Variants in BCAR3 observed in about 807,000 individuals in gnomAD.
The protein encoded by BCAR3 is breast cancer anti-estrogen resistance protein 3.
A neutral mutation model predicts 80.1 loss-of-function variants in BCAR3; 37 were observed. The observed-to-expected ratio is 0.46, with a 90% CI of 0.36 to 0.61. The LOEUF (loss-of-function observed/expected upper bound fraction) is 0.61. Among genes scored for constraint, BCAR3 ranks in the 20% least tolerant of loss-of-function variants. The pLI is 0.00. For synonymous variants in BCAR3, 389 were observed against 418.9 expected, an observed-to-expected ratio of 0.93 and a Z score of 0.87; for missense variants, 978 against 1,068.2, an observed-to-expected ratio of 0.92 and a Z score of 1.18.
At chr1:93,830,018 A>G (rs1470888075) in intron 2 of BCAR3, among the ~76,000 whole-genome samples, 1 of 151,578 alleles carries the variant, frequency 6.6e-6, no homozygotes, top group African/African-American at 2.4e-5. Flanking sequence ...TCTTCCTCCT[A>G]CTCTGGCCAT....
chr1:93,836,130 C>G (rs1654758966), intron 2 of BCAR3, among the ~76,000 whole-genome samples: 2 of 152,196 alleles, frequency 1.3e-5, no homozygotes, highest in African/African-American at 4.8e-5. Flanking sequence ...TTACCTCTTG[C>G]CCTTCTCAGA....
chr1:93,746,991 T>A (rs993659302), intron 2 of BCAR3, among the ~76,000 whole-genome samples: 6 of 152,252 alleles, frequency 3.9e-5, no homozygotes, highest in Admixed American at 1.3e-4. Flanking sequence ...CCTCTGTCCC[T>A]TAAATATTGG....
chr1:93,817,797 C>T (rs77495330), intron 2 of BCAR3, among the ~76,000 whole-genome samples: 1 of 152,214 alleles, frequency 6.6e-6, no homozygotes, highest in Admixed American at 6.5e-5. Flanking sequence ...TTTACCCCCC[C>T]ACATCCCTGC....
intron 2 of BCAR3, among the ~76,000 whole-genome samples, chr1:93,797,564 T>C (rs1159886575): frequency 2.0e-5 from 3 of 152,116 alleles, no homozygotes; most frequent in African/African-American, 7.2e-5. Flanking sequence ...ATTGACATAT[T>C]ATTCCAGAAG....
At chr1:93,828,802 C>T (rs990004433) in intron 2 of BCAR3, among the ~76,000 whole-genome samples, 1 of 152,130 alleles carries the variant, frequency 6.6e-6, no homozygotes, top group African/African-American at 2.4e-5. Context: ...TCAAGCAATC[C>T]GTGTCTCAGC....
chr1:93,821,870 T>A (rs1255461508), intron 2 of BCAR3, among the ~76,000 whole-genome samples: 1 of 152,210 alleles, frequency 6.6e-6, no homozygotes, highest in East Asian at 1.9e-4. Context: ...GAGTTAAATA[T>A]CTTGCCTGAG....
intron 1 of BCAR3, 43 bp from the exon 2 acceptor site, chr1:93,674,984 T>C: frequency 9.1e-6 from 13 of 1,432,828 alleles, no homozygotes; most frequent in Non-Finnish European, 1.2e-5. Context: ...TCTATGAGAG[T>C]CACAAGAACT....
intron 5 of BCAR3, chr1:93,585,000 C>CA (rs1673884869): frequency 2.0e-6 from 2 of 985,278 alleles, no homozygotes; most frequent in Non-Finnish European, 2.4e-6. Context: ...AAAAACAAAT[C>CA]AAAAAACCCC....
Position 93,562,328 on chromosome 1 carries a change from C to A in BCAR3, c.2391G>T (p.Gln797His), listed in dbSNP as rs1343281668. The change falls in exon 12 of 12, where the codon CAG (glutamine) becomes CAT (histidine). Residue 797 changes from glutamine to histidine, a missense_variant. By Grantham distance (24) the Gln-to-His change is conservative (BLOSUM62 0). Coordinates refer to ENST00000260502, the MANE Select transcript of BCAR3 (RefSeq NM_003567.4). ...GGTTGAATTTCTCATATCTCTCTGT[C>A]TGATTGACTTGTGCACCTTTGCTGC... ...LWGSKGAQVN[Q>H]TERYEKFNQI... is the part of the protein sequence containing the mutation. 1 of 1,614,184 alleles carries A rather than the reference C, an allele frequency of 6.2e-7. No homozygotes were observed. The highest frequency in any genetic ancestry group is 8.5e-7 in the Non-Finnish European group (1 of 1,180,024).
At chr1:93,681,490 A>C (rs1394050918) in intron 1 of BCAR3, 108 bp downstream of exon 1, 1 of 152,094 alleles carries the variant, frequency 6.6e-6, no homozygotes, top group African/African-American at 2.4e-5. Context: ...CCCAGAGCCT[A>C]ACTTTGTCCA....
intron 2 of BCAR3, among the ~76,000 whole-genome samples, chr1:93,814,000 G>A (rs559571653): frequency 1.6e-4 from 24 of 152,252 alleles, no homozygotes; most frequent in African/African-American, 5.1e-4. Context: ...GAGTTTATCT[G>A]GTATTTCAGG....
intron 2 of BCAR3, among the ~76,000 whole-genome samples, chr1:93,709,838 A>C (rs1442714645): frequency 4.6e-5 from 7 of 152,210 alleles, no homozygotes; most frequent in Non-Finnish European, 1.0e-4. Context: ...TAACATAATC[A>C]TGGTGGAATG....
intron 2 of BCAR3, among the ~76,000 whole-genome samples, chr1:93,657,023 C>A (rs912820292): frequency 6.6e-6 from 1 of 152,162 alleles, no homozygotes; most frequent in Non-Finnish European, 1.5e-5. Flanking sequence ...TTCTGTTGAG[C>A]AAGTTTTCAT....
chr1:93,803,009 C>A (rs1035496264), intron 2 of BCAR3, among the ~76,000 whole-genome samples: 1 of 152,142 alleles, frequency 6.6e-6, no homozygotes, highest in Non-Finnish European at 1.5e-5. Context: ...TAATCTTCTC[C>A]GTCTCAGGAG....
At chr1:93,627,069 T>C (rs534852625) in intron 3 of BCAR3, among the ~76,000 whole-genome samples, 21 of 152,372 alleles carry the variant, frequency 1.4e-4, no homozygotes, top group African/African-American at 5.0e-4. Flanking sequence ...AAAATTAGAA[T>C]TTTGGAAAAC....
chr1:93,592,212 G>T lies in BCAR3; in HGVS notation c.486+53C>A, dbSNP rs1674235937. 6.2e-7 allele frequency: 1 copy of T among 1,609,432 alleles called. No individual in the cohort carries two copies. The highest frequency in any genetic ancestry group is 1.3e-5 in the African/African-American group (1 of 74,846). On this transcript the variant is annotated intron_variant, in intron 4 of 11. Transcript: ENST00000260502. This position sits in a 1 kb window ranked among gnomAD's most constrained non-coding sequence, Gnocchi z 4.8. ...GTGGGACCCTGCGGGTCATCAATCT[G>T]TACATTGCCTGAGAGCAGCCGTGTA... is the stretch of plus-strand genomic sequence containing the variant.
intron 2 of BCAR3, among the ~76,000 whole-genome samples, chr1:93,824,907 G>A (rs1429324957): frequency 7.5e-6 from 1 of 133,254 alleles, no homozygotes; most frequent in Non-Finnish European, 1.7e-5. Flanking sequence ...CCCTCTCCAC[G>A]GAATATCCAA....
At chr1:93,716,849 G>T (rs903735529) in intron 2 of BCAR3, among the ~76,000 whole-genome samples, 2 of 152,232 alleles carry the variant, frequency 1.3e-5, no homozygotes, top group Non-Finnish European at 2.9e-5. Context: ...TCTGCTTTAT[G>T]CAGGAGATGG....
intron 2 of BCAR3, among the ~76,000 whole-genome samples, chr1:93,786,204 A>AAG (rs1307039774): frequency 8.9e-6 from 1 of 112,790 alleles, no homozygotes; most frequent in African/African-American, 4.8e-5. Flanking sequence ...AAAAAAAAAA[A>AAG]AAAAAAAAAA....
Sources: gnomAD v4.1 joint callset for allele counts (sites outside exome capture counted in the v4.1 genomes callset) on GRCh38, gnomAD v4.1.1 for gene constraint, Gnocchi (gnomAD v3.1) non-coding constraint, MANE v1.5 for transcripts, NCBI Gene and HGNC (gene_info 2026-07-23, HGNC 2026-07-21) for gene names.